DEPTOR: variants seen among roughly 807,000 people sequenced by gnomAD.
DEPTOR encodes the protein DEP domain containing MTOR interacting protein.
In DEPTOR, 41 loss-of-function variants were observed where a neutral mutation model predicts 41.6. The observed-to-expected ratio is 0.98, with a 90% CI of 0.77 to 1.28. DEPTOR has a LOEUF of 1.28. Among genes scored for constraint, DEPTOR ranks in the 50% most tolerant of loss-of-function variants. The pLI is 0.00. For missense variants in DEPTOR, 514 were observed against 527.9 expected, an observed-to-expected ratio of 0.97 and a Z score of 0.26; for synonymous variants, 195 against 192.3, an observed-to-expected ratio of 1.01 and a Z score of -0.12.
Position 120,032,718 on chromosome 8 carries a change from C to G in DEPTOR, c.1102-16858C>G, listed in dbSNP as rs1451593609. 5.3e-5 allele frequency among the ~76,000 whole-genome samples: 8 copies of G among 152,226 alleles called. No homozygotes were observed. The East Asian group carries it at 1.5e-3, about 29-fold the overall frequency. On this transcript the variant is annotated intron_variant, in intron 8 of 8. Transcript: ENST00000286234. ...TCCTTCAGCACCTCTGCGTCTACCT[C>G]TCACTACATTTAACCATAACAGCCA...
chr8:120,018,287 T>C (rs543287621), intron 8 of DEPTOR, among the ~76,000 whole-genome samples: 1 of 152,170 alleles, frequency 6.6e-6, no homozygotes, highest in African/African-American at 2.4e-5. Flanking sequence ...TTTAAAAATA[T>C]GTAGTTATAA....
chr8:119,976,580 A>G (rs1229798957), intron 4 of DEPTOR, among the ~76,000 whole-genome samples: 2 of 152,198 alleles, frequency 1.3e-5, no homozygotes, highest in Admixed American at 1.3e-4. Context: ...GGAAATGTTG[A>G]AAACAAGGCT....
chr8:119,951,559 T>G (rs1183586330), intron 3 of DEPTOR, among the ~76,000 whole-genome samples: 1 of 152,126 alleles, frequency 6.6e-6, no homozygotes, highest in African/African-American at 2.4e-5. Context: ...CTCTTCAGAG[T>G]GTAAAACCAA....
chr8:119,989,290 C>T (rs886974646), intron 4 of DEPTOR, among the ~76,000 whole-genome samples: 3 of 152,054 alleles, frequency 2.0e-5, no homozygotes, highest in Non-Finnish European at 4.4e-5. Context: ...CAGGAGCCAC[C>T]GTGCCGGGCC....
chr8:120,002,020 G>A (rs905711845), intron 5 of DEPTOR, among the ~76,000 whole-genome samples: 3 of 152,156 alleles, frequency 2.0e-5, no homozygotes, highest in Non-Finnish European at 4.4e-5. Flanking sequence ...TGTAATCTCA[G>A]CTACTTGGGA....
intron 4 of DEPTOR, among the ~76,000 whole-genome samples, chr8:119,979,567 T>C (rs1417442656): frequency 6.6e-6 from 1 of 152,138 alleles, no homozygotes; most frequent in Non-Finnish European, 1.5e-5. Context: ...CTGGCCCAGC[T>C]TTTTTTCTAG....
intron 4 of DEPTOR, among the ~76,000 whole-genome samples, chr8:119,991,100 CTTTCTTTCTTTCTTTCT>C (rs1563584728): frequency 5.1e-5 from 4 of 78,332 alleles, no homozygotes; most frequent in Admixed American, 1.2e-4. Flanking sequence ...TTCTTTCTTT[CTTTCTTTCTTTCTTTCT>C]TTTTTTTTTA....
intron 1 of DEPTOR, among the ~76,000 whole-genome samples, chr8:119,883,529 A>T (rs1827326661): frequency 6.6e-6 from 1 of 151,144 alleles, no homozygotes; most frequent in Non-Finnish European, 1.5e-5. Flanking sequence ...CACTTTTCAG[A>T]TAACAGCTGT....
intron 4 of DEPTOR, among the ~76,000 whole-genome samples, chr8:119,971,798 A>G (rs1019322475): frequency 1.3e-5 from 2 of 152,212 alleles, no homozygotes; most frequent in African/African-American, 2.4e-5. Flanking sequence ...GTTGAGGTGC[A>G]GAGCCAAAGA....
chr8:120,008,818 A>C (rs1282092747), intron 7 of DEPTOR, among the ~76,000 whole-genome samples: 2 of 152,168 alleles, frequency 1.3e-5, no homozygotes, highest in Non-Finnish European at 2.9e-5. Context: ...TTTCTGCCAA[A>C]CAGGTTAGAT....
chr8:119,966,440 C>G (rs1018911563), intron 4 of DEPTOR, among the ~76,000 whole-genome samples: 1 of 152,168 alleles, frequency 6.6e-6, no homozygotes, highest in Non-Finnish European at 1.5e-5. Context: ...AACACTTTCC[C>G]CTTTGCCCTC....
intron 8 of DEPTOR, among the ~76,000 whole-genome samples, chr8:120,022,040 C>T (rs11996625): frequency 0.43 from 64,491 of 151,536 alleles, 14,311 homozygotes; most frequent in South Asian, 0.54. Flanking sequence ...ACGTAGTAGT[C>T]CCAGCTACCT....
At chr8:119,943,109 G>A (rs988624439) in intron 3 of DEPTOR, among the ~76,000 whole-genome samples, 1 of 152,128 alleles carries the variant, frequency 6.6e-6, no homozygotes, top group Non-Finnish European at 1.5e-5. Flanking sequence ...TTACATGGAC[G>A]GTTTCACCGG....
At chr8:119,909,585 A>G (rs758959047) in intron 1 of DEPTOR, among the ~76,000 whole-genome samples, 1 of 152,238 alleles carries the variant, frequency 6.6e-6, no homozygotes, top group Non-Finnish European at 1.5e-5. Flanking sequence ...CTCTACAGAT[A>G]AAACCATTAA....
intron 1 of DEPTOR, among the ~76,000 whole-genome samples, chr8:119,909,018 G>A (rs1586609836): frequency 1.3e-5 from 2 of 152,076 alleles, no homozygotes; most frequent in Non-Finnish European, 2.9e-5. Flanking sequence ...CAGAACACAA[G>A]TATCATTTAC....
rs141414551 is a variant in DEPTOR, at chr8:119,957,343, A to G, written c.426-7889A>G. On this transcript the variant is annotated intron_variant, in intron 3 of 8. Transcript: ENST00000286234. ...GGGACTCTGGTCTCAAAAAGCTTCT[A>G]ATCAAGTGAGCAAGTAATTCCCCTA... Among the ~76,000 whole-genome samples the G allele has an allele frequency of 7.1e-4, 108 of 152,292 alleles. 1 individual carries two copies. The East Asian group carries it at 0.019, about 26-fold the overall frequency.
At chr8:119,987,294 G>T (rs1261634891) in intron 4 of DEPTOR, among the ~76,000 whole-genome samples, 1 of 152,130 alleles carries the variant, frequency 6.6e-6, no homozygotes, top group Non-Finnish European at 1.5e-5. Flanking sequence ...CCCCTTTGCT[G>T]TAGCTCTGCT....
At chr8:120,029,802 G>T (rs1213575421) in intron 8 of DEPTOR, among the ~76,000 whole-genome samples, 1 of 152,148 alleles carries the variant, frequency 6.6e-6, no homozygotes, top group Non-Finnish European at 1.5e-5. Context: ...GCAGGAGTTT[G>T]TGCTGACTGG....
At chr8:120,040,338 A>G (rs570694296) in intron 8 of DEPTOR, among the ~76,000 whole-genome samples, 67 of 151,916 alleles carry the variant, frequency 4.4e-4, no homozygotes, top group African/African-American at 1.6e-3. Context: ...GCACTTTGGG[A>G]GGCCGAGGCG....
Sources: allele counts gnomAD v4.1 joint callset (sites outside exome capture counted in the v4.1 genomes callset), GRCh38; gene constraint gnomAD v4.1.1; transcripts MANE v1.5; gene names NCBI Gene and HGNC (gene_info 2026-07-23, HGNC 2026-07-21).